Variants in EIF3H observed in about 807,000 individuals in gnomAD.
EIF3H encodes eukaryotic translation initiation factor 3 subunit H.
A neutral mutation model predicts 44.2 loss-of-function variants in EIF3H; 26 were observed. The ratio of observed to expected loss-of-function variants is 0.59; its 90% CI spans 0.43 to 0.82. The LOEUF is 0.82. Ranked by LOEUF, EIF3H falls within the 40% of genes least tolerant of loss-of-function variation. The pLI is 0.00. For missense variants in EIF3H, 359 were observed against 432.8 expected (o/e 0.83, Z 1.51); for synonymous variants, 166 against 151.9 (o/e 1.09, Z -0.68).
chr8:116,709,598 A>G (rs906832782), intron 2 of EIF3H, among the ~76,000 whole-genome samples: 3 of 152,244 alleles, frequency 2.0e-5, no homozygotes, highest in Non-Finnish European at 2.9e-5. Flanking sequence ...CCTCTTATCC[A>G]TACACAACTT....
At chr8:116,731,533 C>T (rs905627164) in intron 1 of EIF3H, among the ~76,000 whole-genome samples, 2 of 152,094 alleles carry the variant, frequency 1.3e-5, no homozygotes, top group African/African-American at 2.4e-5. Flanking sequence ...TTTAAGACTT[C>T]GTGGGTTGCT....
intron 1 of EIF3H, among the ~76,000 whole-genome samples, chr8:116,746,361 G>A (rs532633286): frequency 4.2e-4 from 64 of 152,174 alleles, no homozygotes; most frequent in African/African-American, 1.3e-3. Flanking sequence ...TTGTACCCAC[G>A]TCTCCCCATT....
At chr8:116,660,642 G>A (rs1813570819) in intron 2 of EIF3H, among the ~76,000 whole-genome samples, 1 of 152,176 alleles carries the variant, frequency 6.6e-6, no homozygotes, top group Non-Finnish European at 1.5e-5. Context: ...AACAGAGCTG[G>A]AAACTGCACT....
upstream of EIF3H, chr8:116,766,348 A>T (rs969685292): frequency 4.6e-5 from 19 of 409,162 alleles, no homozygotes; most frequent in Admixed American, 5.4e-4. Flanking sequence ...GGAATCGCGC[A>T]CCCCAGCGGT....
At chr8:116,754,419 C>G (rs2130997624) in intron 1 of EIF3H, among the ~76,000 whole-genome samples, 1 of 152,280 alleles carries the variant, frequency 6.6e-6, no homozygotes, top group Middle Eastern at 3.4e-3. Flanking sequence ...CCTGCATTTT[C>G]AAAGTATTAC....
chr8:116,649,011 T>G, intron 5 of EIF3H, 85 bp from the exon 6 acceptor site: 1 of 1,221,618 alleles, frequency 8.2e-7, no homozygotes, highest in Non-Finnish European at 1.1e-6. Context: ...GATATGAACT[T>G]GAACTGGCTT....
chr8:116,733,588 T>C (rs1460890476), intron 1 of EIF3H, among the ~76,000 whole-genome samples: 2 of 152,078 alleles, frequency 1.3e-5, no homozygotes, highest in East Asian at 3.8e-4. Context: ...ATTTCATGTA[T>C]TTCAAGGCCC....
At chr8:116,743,800 ACAC>A (rs1195191743) in intron 1 of EIF3H, among the ~76,000 whole-genome samples, 4,154 of 41,716 alleles carry the variant, frequency 0.1, 91 homozygotes, top group Non-Finnish European at 0.13. Context: ...ATATATATAA[ACAC>A]ACACACACAC....
chr8:116,650,147 T>C (rs1026939375), intron 5 of EIF3H, among the ~76,000 whole-genome samples: 3 of 152,176 alleles, frequency 2.0e-5, no homozygotes, highest in Non-Finnish European at 4.4e-5. Context: ...ATGACACATT[T>C]TGCTTAAATT....
At chr8:116,668,061 C>A (rs1449276765) in intron 2 of EIF3H, among the ~76,000 whole-genome samples, 2 of 152,158 alleles carry the variant, frequency 1.3e-5, no homozygotes, top group African/African-American at 4.8e-5. Context: ...ATATTTTCTC[C>A]CTCAGTTAAG....
intron 1 of EIF3H, among the ~76,000 whole-genome samples, chr8:116,732,598 T>A (rs548490165): frequency 1.2e-4 from 19 of 152,350 alleles, no homozygotes; most frequent in African/African-American, 4.3e-4. Flanking sequence ...CAGAAAGATT[T>A]GAAATCTTTC....
intron 3 of EIF3H, chr8:116,657,730 C>G (rs193031760): frequency 7.3e-4 from 120 of 164,280 alleles, no homozygotes; most frequent in East Asian, 7.3e-3. Context: ...AATGAATAGC[C>G]CCGCACACAA....
chr8:116,705,606 T>C (rs1043789963), intron 2 of EIF3H, among the ~76,000 whole-genome samples: 7 of 150,292 alleles, frequency 4.7e-5, no homozygotes, highest in Admixed American at 2.0e-4. Context: ...ATCCAACATA[T>C]CCAAACTGAG....
chr8:116,760,185 G>A (rs1411247752), upstream of EIF3H, among the ~76,000 whole-genome samples: 1 of 152,192 alleles, frequency 6.6e-6, no homozygotes, highest in African/African-American at 2.4e-5. Flanking sequence ...TTTGGGTTCT[G>A]ACCAAAGACT....
chr8:116,690,992 T>C (rs952415557), intron 2 of EIF3H, among the ~76,000 whole-genome samples: 7 of 152,226 alleles, frequency 4.6e-5, no homozygotes, highest in Non-Finnish European at 8.8e-5. Flanking sequence ...GCTCTGTCTC[T>C]GGGAATACAT....
intron 2 of EIF3H, among the ~76,000 whole-genome samples, chr8:116,702,107 G>T (rs1046700310): frequency 2.0e-5 from 3 of 152,174 alleles, no homozygotes; most frequent in Non-Finnish European, 4.4e-5. Context: ...GGTTACGTGT[G>T]TGAAGTCTGG....
intron 2 of EIF3H, among the ~76,000 whole-genome samples, chr8:116,688,665 T>C (rs1018421748): frequency 6.6e-6 from 1 of 152,104 alleles, no homozygotes; most frequent in Non-Finnish European, 1.5e-5. Flanking sequence ...TCAGGGAGAA[T>C]CCATGGTGCT....
At chr8:116,697,215 T>C (rs1366972429) in intron 2 of EIF3H, 1 of 456,174 alleles carries the variant, frequency 2.2e-6, no homozygotes, top group Non-Finnish European at 4.4e-6. Context: ...GGTTGACAGA[T>C]CACCCCAAAG....
chr8:116,755,561 A>C, intron 1 of EIF3H, 105 bp downstream of exon 1: 3 of 1,498,938 alleles, frequency 2.0e-6, no homozygotes, highest in Non-Finnish European at 2.7e-6. Flanking sequence ...ACTTTGGCCC[A>C]GCCACACCAA....
Sources: allele counts gnomAD v4.1 joint callset (sites outside exome capture counted in the v4.1 genomes callset), GRCh38; gene constraint gnomAD v4.1.1; transcripts MANE v1.5; gene names NCBI Gene and HGNC (gene_info 2026-07-23, HGNC 2026-07-21).